The following ELF2 variants were observed in gnomAD, a reference collection of about 807,000 sequenced individuals.
ELF2 encodes the protein E74 like ETS transcription factor 2, also known as ETS-related transcription factor Elf-2.
A neutral mutation model predicts 54.8 loss-of-function variants in ELF2; 11 were observed. The observed-to-expected ratio is 0.20, with a 90% CI of 0.13 to 0.33. The LOEUF is 0.33. Ranked by LOEUF, ELF2 falls within the 10% of genes least tolerant of loss-of-function variation. The probability of loss-of-function intolerance (pLI) is 1.00; values close to 1 mark genes in which losing one functional copy is unlikely to be tolerated. For missense variants in ELF2, 513 were observed against 703.0 expected (o/e 0.73, Z 3.06); for synonymous variants, 203 against 245.1 (o/e 0.83, Z 1.61).
At chr4:139,089,449 G>T (rs1328854510) in intron 4 of ELF2, among the ~76,000 whole-genome samples, 3 of 151,990 alleles carry the variant, frequency 2.0e-5, no homozygotes, top group African/African-American at 7.2e-5. Context: ...TAGCATTTTT[G>T]AATACAACCC....
intron 7 of ELF2, among the ~76,000 whole-genome samples, chr4:139,064,713 C>G (rs1457832437): frequency 6.6e-6 from 1 of 152,042 alleles, no homozygotes; most frequent in Non-Finnish European, 1.5e-5. Context: ...AACCCCATCT[C>G]TACTAAAAAT....
chr4:139,135,716 C>G (rs1483380694), intron 3 of ELF2, among the ~76,000 whole-genome samples: 1 of 152,136 alleles, frequency 6.6e-6, no homozygotes, highest in Non-Finnish European at 1.5e-5. Context: ...GAATAGTTTG[C>G]CCTACTCTGG....
intron 4 of ELF2, chr4:139,115,267 G>A (rs1428971704): frequency 1.4e-5 from 22 of 1,602,102 alleles, no homozygotes; most frequent in South Asian, 2.2e-5. Flanking sequence ...CTCTCCTGCG[G>A]TCCCGGGGGG....
At chr4:139,164,587 A>C (rs1741538395) in intron 1 of ELF2, among the ~76,000 whole-genome samples, 2 of 152,232 alleles carry the variant, frequency 1.3e-5, no homozygotes, top group Non-Finnish European at 2.9e-5. Context: ...CCGTGAGCCA[A>C]GACTATGCCA....
chr4:139,159,475 G>C lies in ELF2; in HGVS notation c.-252+17492C>G, dbSNP rs1441346224. Reference sequence around the variant, plus strand: ...GATTGATAGGTGAAGTTTCAATGGAGGAGTAGGTGGGAGTGGCCAGATGAG... The same window carrying C: ...GATTGATAGGTGAAGTTTCAATGGACGAGTAGGTGGGAGTGGCCAGATGAG... On this transcript the variant is annotated intron_variant, in intron 1 of 9. Coordinates refer to ENST00000686138, the MANE Select transcript of ELF2 (RefSeq NM_001331036.3). Among the ~76,000 whole-genome samples the C allele has an allele frequency of 2.6e-5, 4 of 152,202 alleles. No homozygotes were observed. In the East Asian group the frequency reaches 7.7e-4, roughly 29 times the overall value.
At chr4:139,074,795 G>A (rs936305818) in intron 4 of ELF2, among the ~76,000 whole-genome samples, 24 of 151,422 alleles carry the variant, frequency 1.6e-4, no homozygotes, top group African/African-American at 5.8e-4. Flanking sequence ...TTGCAGGGGA[G>A]GGGGAGGCAA....
intron 4 of ELF2, among the ~76,000 whole-genome samples, chr4:139,092,895 C>G (rs922294809): frequency 2.6e-5 from 4 of 151,796 alleles, no homozygotes; most frequent in African/African-American, 9.7e-5. Context: ...AACATATAAA[C>G]TACTAGAAGT....
chr4:139,080,642 G>T (rs189037086), intron 4 of ELF2, among the ~76,000 whole-genome samples: 152 of 152,124 alleles, frequency 1.0e-3, no homozygotes, highest in Admixed American at 2.6e-3. Flanking sequence ...AAAAAGTCAA[G>T]AAAGGTATAC....
chr4:139,139,392 G>A, intron 2 of ELF2, 21 bp downstream of exon 2: 2 of 1,146,628 alleles, frequency 1.7e-6, no homozygotes, highest in Non-Finnish European at 1.1e-6. Context: ...TATAATAATA[G>A]CAGAAATAAA....
Position 139,168,015 on chromosome 4 carries a change from C to T in ELF2, c.-252+8952G>A, listed in dbSNP as rs147736882. On this transcript the variant is annotated intron_variant, in intron 1 of 9. Coordinates refer to ENST00000686138, the MANE Select transcript of ELF2 (RefSeq NM_001331036.3). ...ACTTGACCTAAGAGATCCTTCAGTCCACCTAGTGGGTGACTCTGGCAACAT... is the reference window on the plus strand; with the variant it reads ...ACTTGACCTAAGAGATCCTTCAGTCTACCTAGTGGGTGACTCTGGCAACAT... Among the ~76,000 whole-genome samples the T allele has an allele frequency of 1.9e-3, 292 of 152,286 alleles. 2 individuals carry two copies. Among genetic ancestry groups the T allele is most frequent in the African/African-American group, 6.4e-3 (265 of 41,568 alleles).
intron 1 of ELF2, among the ~76,000 whole-genome samples, chr4:139,150,662 A>G (rs761534553): frequency 3.9e-5 from 6 of 152,198 alleles, no homozygotes; most frequent in Non-Finnish European, 5.9e-5. Flanking sequence ...AACACAATAT[A>G]GAGGCCAGAA....
Position 139,154,247 on chromosome 4 carries a change from G to A in ELF2, c.-251-14750C>T, listed in dbSNP as rs534695637. 4.9e-4 allele frequency among the ~76,000 whole-genome samples: 75 copies of A among 152,236 alleles called. No homozygotes were observed. In the South Asian group the frequency reaches 0.016, roughly 32 times the overall value. On this transcript the variant is annotated intron_variant, in intron 1 of 9. Transcript: ENST00000686138. ...TTTTATGTTTTGGCTTTAATGCTGA[G>A]TAATTACCTGATGTTGGGCAGTTAC...
chr4:139,174,567 A>T (rs1182940124), intron 1 of ELF2, among the ~76,000 whole-genome samples: 1 of 151,694 alleles, frequency 6.6e-6, no homozygotes, highest in Non-Finnish European at 1.5e-5. Context: ...TTCTGAATAC[A>T]TGGATTCAAT....
chr4:139,176,934 C>T (rs1743013586), intron 1 of ELF2, 33 bp downstream of exon 1: 1 of 152,208 alleles, frequency 6.6e-6, no homozygotes, highest in African/African-American at 2.4e-5. Context: ...CTTCGCGCTC[C>T]CTCTCACCAG....
chr4:139,118,204 A>C (rs1356962343), intron 4 of ELF2, among the ~76,000 whole-genome samples: 1 of 152,152 alleles, frequency 6.6e-6, no homozygotes, highest in Non-Finnish European at 1.5e-5. Flanking sequence ...CTGGGAAAAC[A>C]ATAGGAGTAT....
chr4:139,083,934 G>A (rs1393971030), intron 4 of ELF2, among the ~76,000 whole-genome samples: 1 of 152,176 alleles, frequency 6.6e-6, no homozygotes, highest in Non-Finnish European at 1.5e-5. Flanking sequence ...TTCGAGGCAG[G>A]TTACTCTCCA....
chr4:139,170,908 G>A (rs1333806984), intron 1 of ELF2, among the ~76,000 whole-genome samples: 1 of 151,698 alleles, frequency 6.6e-6, no homozygotes, highest in Non-Finnish European at 1.5e-5. Context: ...ACCACCTCCG[G>A]CTAATTTTTG....
chr4:139,167,342 G>A (rs1221424535), intron 1 of ELF2, among the ~76,000 whole-genome samples: 2 of 152,158 alleles, frequency 1.3e-5, no homozygotes, highest in African/African-American at 4.8e-5. Context: ...GAACCTTAAG[G>A]CTGTAGGTGA....
chr4:139,176,652 C>G (rs1024646656), intron 1 of ELF2, among the ~76,000 whole-genome samples: 8 of 152,276 alleles, frequency 5.3e-5, no homozygotes, highest in East Asian at 1.9e-4. Flanking sequence ...CCCATCCCCC[C>G]CGCCGGGGTC....
Sources: gnomAD v4.1 joint callset for allele counts (sites outside exome capture counted in the v4.1 genomes callset) on GRCh38, gnomAD v4.1.1 for gene constraint, MANE v1.5 for transcripts, NCBI Gene and HGNC (gene_info 2026-07-23, HGNC 2026-07-21) for gene names.